ATP1B3: variants seen among roughly 807,000 people sequenced by gnomAD.
ATP1B3 encodes the protein sodium/potassium-transporting ATPase subunit beta-3.
A neutral mutation model predicts 30.2 loss-of-function variants in ATP1B3; 10 were observed. That is an observed-to-expected ratio of 0.33 (90% CI 0.20 to 0.56). ATP1B3 has a LOEUF of 0.56. ATP1B3 is among the 20% of genes least tolerant of loss of function. ATP1B3 has a pLI of 0.90. For missense variants in ATP1B3, 238 were observed against 336.7 expected (o/e 0.71, Z 2.29); for synonymous variants, 113 against 117.0 (o/e 0.97, Z 0.22).
intron 1 of ATP1B3, chr3:141,902,121 C>G (rs1023386021): frequency 1.4e-5 from 18 of 1,289,082 alleles, no homozygotes; most frequent in Non-Finnish European, 1.4e-5. Context: ...TTGGTCTTTT[C>G]TTTTTCTGCA....
chr3:141,910,030 G>A (rs1027551113), intron 3 of ATP1B3, among the ~76,000 whole-genome samples: 4 of 152,186 alleles, frequency 2.6e-5, no homozygotes, highest in Admixed American at 6.5e-5. Context: ...GTCACCCAGT[G>A]GCACAATCAC....
chr3:141,925,104 G>A (rs996239737), intron 6 of ATP1B3, among the ~76,000 whole-genome samples: 1 of 152,112 alleles, frequency 6.6e-6, no homozygotes, highest in Admixed American at 6.5e-5. Context: ...GTAATTACAG[G>A]TATGGACTTA....
At chr3:141,878,211 C>A (rs1933644430) in intron 1 of ATP1B3, among the ~76,000 whole-genome samples, 1 of 152,116 alleles carries the variant, frequency 6.6e-6, no homozygotes, top group Admixed American at 6.6e-5. Flanking sequence ...AAGAAAAGAA[C>A]CCAGTTCTCC....
chr3:141,890,503 A>G (rs1447625384), intron 1 of ATP1B3, among the ~76,000 whole-genome samples: 29 of 151,542 alleles, frequency 1.9e-4, no homozygotes, highest in Admixed American at 1.9e-3. Context: ...GGGTTTCACC[A>G]TGTTGGCCAG....
intron 1 of ATP1B3, among the ~76,000 whole-genome samples, chr3:141,880,507 T>G (rs998393675): frequency 3.9e-5 from 6 of 151,998 alleles, no homozygotes; most frequent in African/African-American, 1.5e-4. Context: ...ATTAAATAAC[T>G]TAAGTTCATT....
intron 1 of ATP1B3, among the ~76,000 whole-genome samples, chr3:141,894,254 C>T (rs1477608406): frequency 6.6e-6 from 1 of 152,140 alleles, no homozygotes; most frequent in Admixed American, 6.5e-5. Flanking sequence ...ACACTGTACA[C>T]TTAGGCTACA....
intron 5 of ATP1B3, among the ~76,000 whole-genome samples, chr3:141,920,948 C>A (rs1934553936): frequency 6.6e-6 from 1 of 152,184 alleles, no homozygotes; most frequent in Non-Finnish European, 1.5e-5. Flanking sequence ...TCTCACCCCA[C>A]CCCACAGCCA....
intron 1 of ATP1B3, among the ~76,000 whole-genome samples, chr3:141,897,422 C>T (rs1934087946): frequency 6.6e-6 from 1 of 152,130 alleles, no homozygotes; most frequent in Non-Finnish European, 1.5e-5. Flanking sequence ...GAATTTCTAT[C>T]ACCCTGAGTA....
At chr3:141,897,891 G>A (rs1242546519) in intron 1 of ATP1B3, among the ~76,000 whole-genome samples, 1 of 152,092 alleles carries the variant, frequency 6.6e-6, no homozygotes, top group East Asian at 1.9e-4. Flanking sequence ...TGTAATTTTA[G>A]TAGAGACTGG....
At chr3:141,886,890 C>G (rs979818255) in intron 1 of ATP1B3, among the ~76,000 whole-genome samples, 2 of 152,150 alleles carry the variant, frequency 1.3e-5, no homozygotes, top group Non-Finnish European at 2.9e-5. Context: ...TTGGTTCCAG[C>G]TACTCAGGAG....
intron 1 of ATP1B3, among the ~76,000 whole-genome samples, chr3:141,880,133 A>G (rs542786542): frequency 6.6e-5 from 10 of 152,266 alleles, no homozygotes; most frequent in African/African-American, 1.9e-4. Flanking sequence ...CATTGGATAC[A>G]TTAAAAAGCA....
chr3:141,889,744 A>ATATATATAT (rs1329331021), intron 1 of ATP1B3, among the ~76,000 whole-genome samples: 3 of 98,502 alleles, frequency 3.0e-5, no homozygotes, highest in African/African-American at 7.8e-5. Flanking sequence ...AAAAAAAAAA[A>ATATATATAT]AAAAAAATAT....
chr3:141,911,849 C>T (rs1009906184), intron 3 of ATP1B3, among the ~76,000 whole-genome samples: 2 of 152,102 alleles, frequency 1.3e-5, no homozygotes, highest in African/African-American at 2.4e-5. Flanking sequence ...CTTGGTTACT[C>T]TGGGGTCAGT....
At chr3:141,921,108 GTTTTA>G (rs1162370261) in intron 5 of ATP1B3, among the ~76,000 whole-genome samples, 2 of 151,976 alleles carry the variant, frequency 1.3e-5, no homozygotes, top group African/African-American at 4.8e-5. Context: ...ATTTAATAAT[GTTTTA>G]TTTTAACTAG....
intron 3 of ATP1B3, among the ~76,000 whole-genome samples, chr3:141,912,636 G>A (rs181584124): frequency 6.6e-6 from 1 of 152,174 alleles, no homozygotes; most frequent in Non-Finnish European, 1.5e-5. Context: ...TCTTCCTGAG[G>A]CACTGTTATA....
chr3:141,914,780 C>T (rs1934426686), intron 4 of ATP1B3, among the ~76,000 whole-genome samples: 1 of 152,188 alleles, frequency 6.6e-6, no homozygotes, highest in African/African-American at 2.4e-5. Flanking sequence ...AGAAGCTTCC[C>T]TGTAGGGAGA....
chr3:141,881,548 G>A (rs1359386042), intron 1 of ATP1B3, among the ~76,000 whole-genome samples: 1 of 152,204 alleles, frequency 6.6e-6, no homozygotes, highest in African/African-American at 2.4e-5. Flanking sequence ...AGGGGAGAAG[G>A]CAGATGTGTT....
intron 6 of ATP1B3, among the ~76,000 whole-genome samples, chr3:141,923,585 C>T (rs1934605032): frequency 6.6e-6 from 1 of 152,198 alleles, no homozygotes; most frequent in Non-Finnish European, 1.5e-5. Flanking sequence ...GACAGTAGTA[C>T]AGTTAACAAA....
intron 6 of ATP1B3, among the ~76,000 whole-genome samples, chr3:141,923,734 A>G (rs1007864346): frequency 6.6e-6 from 1 of 152,220 alleles, no homozygotes; most frequent in African/African-American, 2.4e-5. Context: ...TTAGCAACCT[A>G]TAATCAGGAA....
Sources: gnomAD v4.1 joint callset for allele counts (sites outside exome capture counted in the v4.1 genomes callset) on GRCh38, gnomAD v4.1.1 for gene constraint, MANE v1.5 for transcripts, NCBI Gene and HGNC (gene_info 2026-07-23, HGNC 2026-07-21) for gene names.